Variants in NEBL observed in about 807,000 individuals in gnomAD.
The protein encoded by NEBL is nebulette, also known as LIM and SH3 protein 2.
NEBL carries 122 observed loss-of-function variants against 140.2 expected under a neutral mutation model. That is an observed-to-expected ratio of 0.87 (90% CI 0.75 to 1.01). NEBL has a LOEUF of 1.01. Ranked by LOEUF, NEBL falls within the 50% of genes least tolerant of loss-of-function variation. The pLI is 0.00. For missense variants in NEBL, 1,365 were observed against 1,231.3 expected (o/e 1.11, Z -1.62); for synonymous variants, 436 against 398.9 (o/e 1.09, Z -1.11).
chr10:20,890,943 AT>A (rs1375465031), intron 2 of NEBL, among the ~76,000 whole-genome samples: 1 of 152,236 alleles, frequency 6.6e-6, no homozygotes, highest in Non-Finnish European at 1.5e-5. Context: ...TCCCAAGACC[AT>A]AAATACTTAA....
intron 3 of NEBL, among the ~76,000 whole-genome samples, chr10:21,001,006 G>A (rs1032369109): frequency 5.3e-5 from 8 of 152,088 alleles, no homozygotes; most frequent in Admixed American, 2.6e-4. Context: ...TCAGGAATTC[G>A]CTCCTGCACA....
chr10:21,089,085 G>C (rs1185056164), intron 2 of NEBL, among the ~76,000 whole-genome samples: 1 of 152,190 alleles, frequency 6.6e-6, no homozygotes, highest in Admixed American at 6.5e-5. Flanking sequence ...CAGGTGTTAA[G>C]GAGGTCAAGT....
At chr10:20,810,541 TATG>T (rs1455969871) in intron 24 of NEBL, among the ~76,000 whole-genome samples, 1 of 152,156 alleles carries the variant, frequency 6.6e-6, no homozygotes, top group Non-Finnish European at 1.5e-5. Flanking sequence ...AGCAAGGAAA[TATG>T]ATGAATGAAA....
intron 3 of NEBL, among the ~76,000 whole-genome samples, chr10:21,018,921 G>C (rs1243230230): frequency 6.6e-6 from 1 of 152,156 alleles, no homozygotes; most frequent in East Asian, 1.9e-4. Context: ...CCAGCTATTG[G>C]GGAGGCTGAG....
At chr10:20,963,267 G>A (rs930305795) in intron 3 of NEBL, among the ~76,000 whole-genome samples, 14 of 152,222 alleles carry the variant, frequency 9.2e-5, no homozygotes, top group Non-Finnish European at 1.5e-4. Context: ...CATTCTCAGC[G>A]TTTAATGCCT....
At chr10:20,953,900 T>A (rs538975424) in intron 4 of NEBL, among the ~76,000 whole-genome samples, 1 of 152,186 alleles carries the variant, frequency 6.6e-6, no homozygotes, top group African/African-American at 2.4e-5. Context: ...TGAGCTCTAT[T>A]CTAGGCATAA....
At chr10:21,208,858 G>A (rs939769092) in intron 3 of NEBL, among the ~76,000 whole-genome samples, 1 of 152,208 alleles carries the variant, frequency 6.6e-6, no homozygotes, top group Non-Finnish European at 1.5e-5. Context: ...AAACAGAACA[G>A]TTTGGTAAAC....
At chr10:21,045,776 G>A (rs1204846697) in intron 2 of NEBL, among the ~76,000 whole-genome samples, 1 of 152,182 alleles carries the variant, frequency 6.6e-6, no homozygotes, top group Non-Finnish European at 1.5e-5. Flanking sequence ...ATGTAAATTA[G>A]TATAGCCATT....
rs1842154798 is a variant in NEBL at position 21,226,689 on chromosome 10, AC to A, written n.348+21231del. Among the ~76,000 whole-genome samples the A allele has an allele frequency of 2.6e-5, 4 of 151,614 alleles. No individual in the cohort carries two copies. In the South Asian group the frequency reaches 6.3e-4, roughly 24 times the overall value. ...CAATACCAAATCCCACAATCACTTT[AC>A]TCTCCCTCCTGCAAGCACACAGATT... is the stretch of plus-strand genomic sequence containing the variant. On this transcript the variant is annotated intron_variant and non_coding_transcript_variant, in intron 3 of 8. Transcript: ENST00000675702.
chr10:20,792,777 G>A (rs1836124095), intron 26 of NEBL, among the ~76,000 whole-genome samples: 1 of 151,234 alleles, frequency 6.6e-6, no homozygotes, highest in Non-Finnish European at 1.5e-5. Flanking sequence ...TCCAGCCTAG[G>A]TGACAAGAGC....
chr10:20,906,910 T>C (rs1848115827), intron 4 of NEBL, among the ~76,000 whole-genome samples: 1 of 152,132 alleles, frequency 6.6e-6, no homozygotes, highest in Admixed American at 6.5e-5. Context: ...GATTATCTAC[T>C]TCATACTACG....
rs74500083 is a variant in NEBL at position 20,870,239 on chromosome 10, T to C, written c.481-398A>G. Among the ~76,000 whole-genome samples the C allele has an allele frequency of 2.5e-3, 371 of 147,336 alleles. 13 individuals are homozygous for C. In the East Asian group the frequency reaches 0.057, roughly 23 times the overall value. On this transcript the variant is annotated intron_variant, in intron 5 of 27. Transcript: ENST00000377122. The stretch of plus-strand genomic sequence containing the variant: ...TACTCGGGAGGCTGAGGAAGGAAAA[T>C]CGCTCAAACCCGAGAGGCAGAGGTT...
intron 1 of NEBL, among the ~76,000 whole-genome samples, chr10:21,276,403 T>C (rs898762116): frequency 1.3e-5 from 2 of 152,210 alleles, no homozygotes; most frequent in Admixed American, 6.5e-5. Context: ...ACCCCTAGTG[T>C]AGCCCTGGTG....
chr10:21,238,873 G>A (rs1265974741), intron 3 of NEBL, among the ~76,000 whole-genome samples: 5 of 152,176 alleles, frequency 3.3e-5, no homozygotes, highest in East Asian at 1.9e-4. Context: ...GTCTGATGTT[G>A]ATTTGGAAGG....
At chr10:21,227,907 T>A (rs1842193751) in intron 3 of NEBL, among the ~76,000 whole-genome samples, 1 of 151,882 alleles carries the variant, frequency 6.6e-6, no homozygotes, top group Non-Finnish European at 1.5e-5. Context: ...CATAAAAATG[T>A]AAATGGTAAC....
At chr10:21,047,537 T>TAA (rs34064520) in intron 2 of NEBL, among the ~76,000 whole-genome samples, 25 of 147,072 alleles carry the variant, frequency 1.7e-4, no homozygotes, top group Admixed American at 7.5e-4. Context: ...AAGCTTTTTT[T>TAA]AAAAAAAAAA....
intron 18 of NEBL, among the ~76,000 whole-genome samples, chr10:20,825,685 T>C (rs959123500): frequency 3.3e-5 from 5 of 149,878 alleles, no homozygotes; most frequent in Non-Finnish European, 4.4e-5. Context: ...AGAAACTCAA[T>C]GTACTAAATA....
At chr10:20,869,717 C>G in intron 6 of NEBL, 23 bp downstream of exon 6, 1 of 1,512,134 alleles carries the variant, frequency 6.6e-7, no homozygotes. Context: ...CATTTCCGTT[C>G]AAGGTTTAGA....
chr10:20,884,768 G>A (rs1054718040), intron 4 of NEBL, among the ~76,000 whole-genome samples: 2 of 152,218 alleles, frequency 1.3e-5, no homozygotes, highest in African/African-American at 2.4e-5. Context: ...CCTGAGTAGC[G>A]TGAATTGCTT....
Sources: allele counts gnomAD v4.1 joint callset (sites outside exome capture counted in the v4.1 genomes callset), GRCh38; gene constraint gnomAD v4.1.1; transcripts MANE v1.5; gene names NCBI Gene and HGNC (gene_info 2026-07-23, HGNC 2026-07-21).